The following RNF144A variants were observed in gnomAD, a reference collection of about 807,000 sequenced individuals.
RNF144A encodes ring finger protein 144A.
A neutral mutation model predicts 38.7 loss-of-function variants in RNF144A; 11 were observed. That is an observed-to-expected ratio of 0.28 (90% CI 0.18 to 0.47). The LOEUF (loss-of-function observed/expected upper bound fraction) is 0.47. Among genes scored for constraint, RNF144A ranks in the 20% least tolerant of loss-of-function variants. The pLI is 0.99. For missense variants in RNF144A, 316 were observed against 377.2 expected, an observed-to-expected ratio of 0.84 and a Z score of 1.34; for synonymous variants, 149 against 143.9, an observed-to-expected ratio of 1.04 and a Z score of -0.25.
intron 2 of RNF144A, among the ~76,000 whole-genome samples, chr2:6,977,737 T>C (rs771404256): frequency 6.6e-6 from 1 of 152,218 alleles, no homozygotes; most frequent in Non-Finnish European, 1.5e-5. Context: ...GCTTGCACTG[T>C]TATAAATTCT....
chr2:7,017,437 A>C (rs573590013), intron 5 of RNF144A, among the ~76,000 whole-genome samples: 5 of 152,210 alleles, frequency 3.3e-5, no homozygotes, highest in Admixed American at 1.3e-4. Context: ...CAGCAGGATC[A>C]AACCCACCAT....
chr2:6,983,750 G>A (rs933927930), intron 2 of RNF144A, among the ~76,000 whole-genome samples: 10 of 151,966 alleles, frequency 6.6e-5, no homozygotes, highest in Non-Finnish European at 1.3e-4. Flanking sequence ...AGGGGGACTC[G>A]GTGTTCCCAC....
intron 7 of RNF144A, 41 bp from the exon 8 acceptor site, chr2:7,030,085 G>T: frequency 7.2e-7 from 1 of 1,394,040 alleles, no homozygotes; most frequent in South Asian, 1.2e-5. Flanking sequence ...AACTGAGCAG[G>T]AACCACTCGT....
At chr2:6,952,781 T>C (rs1461920492) in intron 2 of RNF144A, among the ~76,000 whole-genome samples, 2 of 152,004 alleles carry the variant, frequency 1.3e-5, no homozygotes, top group East Asian at 3.8e-4. Flanking sequence ...TTGTATTCTT[T>C]TAGGCATGTG....
At chr2:6,925,284 T>A (rs1447694478) in intron 1 of RNF144A, among the ~76,000 whole-genome samples, 1 of 152,182 alleles carries the variant, frequency 6.6e-6, no homozygotes, top group South Asian at 2.1e-4. Flanking sequence ...TCTCTTCTTC[T>A]TGTCTCAGTG....
At chr2:6,921,546 A>G (rs1664539873) in intron 1 of RNF144A, among the ~76,000 whole-genome samples, 1 of 152,220 alleles carries the variant, frequency 6.6e-6, no homozygotes, top group Non-Finnish European at 1.5e-5. Context: ...GATGTTGTCC[A>G]ACATCGCACA....
At chr2:7,022,321 G>A (rs559890987) in intron 6 of RNF144A, among the ~76,000 whole-genome samples, 186 of 152,252 alleles carry the variant, frequency 1.2e-3, no homozygotes, top group Non-Finnish European at 2.1e-3. Flanking sequence ...CATCACCTGC[G>A]CACCTCTTCA....
In RNF144A at chr2:6,941,905, G is replaced by A. The variant is rs1405073824; in HGVS notation, c.-12+758G>A. 1.3e-5 allele frequency among the ~76,000 whole-genome samples: 2 copies of A among 152,278 alleles called. No individual in the cohort carries two copies. The highest frequency in any genetic ancestry group is 2.1e-4 in the South Asian group (1 of 4,838). On this transcript the variant is annotated intron_variant, in intron 2 of 8. Coordinates refer to ENST00000320892, the MANE Select transcript of RNF144A (RefSeq NM_014746.6). The surrounding 1 kb of genome is among the most constrained non-coding windows in gnomAD (Gnocchi z 6.5). ...GACTCAGCACAGAGCTGTGAGCTGG[G>A]ACTGGGCAGGGCATAGTGGGACCTG...
chr2:6,932,791 CAATT>C lies in RNF144A; in HGVS notation c.-211-8156_-211-8153del, dbSNP rs556294711. Among the ~76,000 whole-genome samples, 12 of 152,198 alleles carry C rather than the reference CAATT, an allele frequency of 7.9e-5. 1 individual carries two copies. Among genetic ancestry groups the C allele is most frequent in the Admixed American group, 4.6e-4 (7 of 15,288 alleles). On this transcript the variant is annotated intron_variant, in intron 1 of 8. Coordinates refer to ENST00000320892, the MANE Select transcript of RNF144A (RefSeq NM_014746.6). ...AAGAGAATTTTAAACAATACTCAAT[CAATT>C]GATAACCAATGAACCAACAAGTTTG...
chr2:6,956,234 C>T (rs1031007517), intron 2 of RNF144A, among the ~76,000 whole-genome samples: 7 of 150,174 alleles, frequency 4.7e-5, no homozygotes, highest in Admixed American at 2.0e-4. Flanking sequence ...TTTCTTGTTT[C>T]TGTTTTTTTT....
intron 2 of RNF144A, chr2:6,978,576 C>T (rs986958749): frequency 4.6e-5 from 7 of 152,668 alleles, no homozygotes; most frequent in East Asian, 1.9e-4. Flanking sequence ...CCCAGGTTGC[C>T]GGGGTTTTCT....
In RNF144A at chr2:6,997,356, C is replaced by T. The variant is rs539403970; in HGVS notation, c.135+295C>T. ...CATAGCGCATGTTCTCCTTGCTACA[C>T]AGCAAAAGCTTCCACACCTTATATC... is the stretch of plus-strand genomic sequence containing the variant. On this transcript the variant is annotated intron_variant, in intron 3 of 8. Transcript: ENST00000320892. 6.6e-5 allele frequency among the ~76,000 whole-genome samples: 10 copies of T among 152,320 alleles called. No homozygotes were observed. In the South Asian group the frequency reaches 8.3e-4, roughly 13 times the overall value.
chr2:6,931,321 T>A (rs1665198002), intron 1 of RNF144A, among the ~76,000 whole-genome samples: 1 of 152,260 alleles, frequency 6.6e-6, no homozygotes, highest in Admixed American at 6.5e-5. Flanking sequence ...TTACTTCTTT[T>A]GTGGGAATCC....
chr2:7,068,764 T>C (rs967838240), downstream of RNF144A, among the ~76,000 whole-genome samples: 2 of 152,182 alleles, frequency 1.3e-5, no homozygotes, highest in African/African-American at 4.8e-5. Context: ...GAGAATGATC[T>C]TGGAGGATGC....
intron 6 of RNF144A, among the ~76,000 whole-genome samples, chr2:7,065,034 G>C (rs1012637850): frequency 6.6e-6 from 1 of 152,198 alleles, no homozygotes; most frequent in Non-Finnish European, 1.5e-5. Context: ...GTGATAAAGT[G>C]AGCCTACAAT....
rs915065755 is a variant in RNF144A, at chr2:6,958,609, G to C, written c.-12+17462G>C. On this transcript the variant is annotated intron_variant, in intron 2 of 8. Coordinates refer to ENST00000320892, the MANE Select transcript of RNF144A (RefSeq NM_014746.6). The surrounding 1 kb of genome is among the most constrained non-coding windows in gnomAD (Gnocchi z 4.5). The stretch of plus-strand genomic sequence containing the variant: ...TCAGTAGCCTCTCTCCTATGTCACG[G>C]TGGGAGTGTGTGGGACGTTGAGGTA... Among the ~76,000 whole-genome samples, 20 of 152,192 alleles carry C rather than the reference G, an allele frequency of 1.3e-4. No homozygotes were observed.
chr2:7,053,909 G>A (rs1673623824), intron 6 of RNF144A, among the ~76,000 whole-genome samples: 1 of 152,224 alleles, frequency 6.6e-6, no homozygotes, highest in South Asian at 2.1e-4. Context: ...AGGTGCTCTT[G>A]GGCATGGCTT....
At chr2:6,986,968 G>A (rs1669002496) in intron 2 of RNF144A, among the ~76,000 whole-genome samples, 1 of 152,192 alleles carries the variant, frequency 6.6e-6, no homozygotes, top group African/African-American at 2.4e-5. Context: ...GAAGTGTAAT[G>A]TTTATCTGGG....
chr2:7,025,887 G>C (rs1378821136), intron 7 of RNF144A, among the ~76,000 whole-genome samples: 1 of 152,058 alleles, frequency 6.6e-6, no homozygotes, highest in African/African-American at 2.4e-5. Context: ...GCGGGGGGTG[G>C]GGCAGGGCGG....
Sources: gnomAD v4.1 joint callset for allele counts (sites outside exome capture counted in the v4.1 genomes callset) on GRCh38, gnomAD v4.1.1 for gene constraint, Gnocchi (gnomAD v3.1) non-coding constraint, MANE v1.5 for transcripts, NCBI Gene and HGNC (gene_info 2026-07-23, HGNC 2026-07-21) for gene names.